VPS13B: variants seen among roughly 807,000 people sequenced by gnomAD.
VPS13B encodes vacuolar protein sorting 13 homolog B.
Under a neutral mutation model 426.4 loss-of-function variants are expected in VPS13B, and 285 were observed. The observed-to-expected ratio is 0.67, with a 90% CI of 0.61 to 0.74. VPS13B has a LOEUF of 0.74. Ranked by LOEUF, VPS13B falls within the 30% of genes least tolerant of loss-of-function variation. The pLI is 0.00. For missense variants in VPS13B, 4,537 were observed against 4,782.6 expected (o/e 0.95, Z 1.51); for synonymous variants, 1,676 against 1,676.4 (o/e 1.00, Z 0.01).
At chr8:99,084,394 C>G (rs1845653900) in intron 3 of VPS13B, among the ~76,000 whole-genome samples, 1 of 152,064 alleles carries the variant, frequency 6.6e-6, no homozygotes, top group Non-Finnish European at 1.5e-5. Flanking sequence ...TTGATCTTTT[C>G]AAAACACCAG....
chr8:99,137,071 C>T (rs936086799), intron 12 of VPS13B, among the ~76,000 whole-genome samples: 1 of 151,910 alleles, frequency 6.6e-6, no homozygotes, highest in Admixed American at 6.6e-5. Flanking sequence ...CTTTTCTATT[C>T]TAAATACACT....
intron 43 of VPS13B, among the ~76,000 whole-genome samples, chr8:99,787,251 G>T (rs1382680372): frequency 1.3e-5 from 2 of 152,160 alleles, no homozygotes; most frequent in African/African-American, 4.8e-5. Context: ...ACAAGAGGTT[G>T]CTAACAACAG....
chr8:99,256,948 A>G (rs988813821), intron 17 of VPS13B, among the ~76,000 whole-genome samples: 32 of 152,158 alleles, frequency 2.1e-4, no homozygotes, highest in Admixed American at 1.6e-3. Flanking sequence ...TCATGAGAGA[A>G]GAGCCTGAAT....
At chr8:99,818,912 A>C (rs201668453) in intron 47 of VPS13B, 24 bp downstream of exon 47, 1 of 1,313,034 alleles carries the variant, frequency 7.6e-7, no homozygotes, top group Non-Finnish European at 9.9e-7. Context: ...CCTTCCATAC[A>C]TTTTACATTT....
At chr8:99,725,151 A>G (rs1833289283) in intron 39 of VPS13B, among the ~76,000 whole-genome samples, 1 of 152,202 alleles carries the variant, frequency 6.6e-6, no homozygotes, top group East Asian at 1.9e-4. Flanking sequence ...ACTTCATGGT[A>G]CTACTTTTAT....
At chr8:99,079,500 A>G (rs1271989463) in intron 3 of VPS13B, among the ~76,000 whole-genome samples, 2 of 152,152 alleles carry the variant, frequency 1.3e-5, no homozygotes, top group Non-Finnish European at 2.9e-5. Flanking sequence ...ATTTTACTCT[A>G]GTTTATAAAT....
At chr8:99,568,936 C>T (rs140417745) in intron 31 of VPS13B, among the ~76,000 whole-genome samples, 26,405 of 151,270 alleles carry the variant, frequency 0.17, 2,822 homozygotes, top group East Asian at 0.39. Flanking sequence ...CTCAGCCTCC[C>T]GAGTAGCTGG....
At chr8:99,155,442 A>G (rs1332116966) in intron 14 of VPS13B, among the ~76,000 whole-genome samples, 2 of 152,164 alleles carry the variant, frequency 1.3e-5, no homozygotes, top group Admixed American at 1.3e-4. Flanking sequence ...TGAAAGGGAC[A>G]TGGGACAGTC....
chr8:99,754,165 C>A (rs1810531042), intron 39 of VPS13B, among the ~76,000 whole-genome samples: 1 of 136,456 alleles, frequency 7.3e-6, no homozygotes, highest in Non-Finnish European at 1.5e-5. Flanking sequence ...TCAAAATCAA[C>A]TAAAAAGCAG....
rs541788716 is a variant in VPS13B, at chr8:99,085,577, A to G, written c.292-10735A>G. 3.9e-5 allele frequency among the ~76,000 whole-genome samples: 6 copies of G among 152,252 alleles called. No individual in the cohort carries two copies. In the East Asian group the frequency reaches 7.7e-4, roughly 20 times the overall value. ...TGTTTACAGTCTGGCATGTTTTTGC[A>G]GTGTGTAGTACTGGTTTTTCCTTTC... On this transcript the variant is annotated intron_variant, in intron 3 of 61. Coordinates refer to ENST00000357162, the MANE Select transcript of VPS13B (RefSeq NM_152564.5).
At chr8:99,170,573 T>C (rs1812273812) in intron 16 of VPS13B, among the ~76,000 whole-genome samples, 1 of 152,038 alleles carries the variant, frequency 6.6e-6, no homozygotes, top group East Asian at 1.9e-4. Context: ...CTGACAAAAG[T>C]ATACACATTA....
intron 3 of VPS13B, among the ~76,000 whole-genome samples, chr8:99,068,653 A>C (rs567115716): frequency 6.6e-6 from 1 of 152,332 alleles, no homozygotes; most frequent in Non-Finnish European, 1.5e-5. Context: ...AGGCCTCAGA[A>C]AACTTACAAT....
intron 40 of VPS13B, among the ~76,000 whole-genome samples, chr8:99,775,948 G>T (rs1052053638): frequency 2.6e-5 from 4 of 152,094 alleles, no homozygotes; most frequent in African/African-American, 7.2e-5. Context: ...GTGTTAAGAG[G>T]ATGGGCAAGT....
intron 17 of VPS13B, among the ~76,000 whole-genome samples, chr8:99,211,911 G>T (rs1815108520): frequency 6.7e-6 from 1 of 149,948 alleles, no homozygotes; most frequent in Non-Finnish European, 1.5e-5. Context: ...ATTTTTTTTT[G>T]AGACAGAGTC....
Position 99,125,045 on chromosome 8 carries a change from T to G in VPS13B, c.1206+3600T>G, listed in dbSNP as rs146710102. On this transcript the variant is annotated intron_variant, in intron 8 of 61. Transcript: ENST00000357162. ...AGAGGGACAGAACTAATAGGCTATA[T>G]GTATGTATGAAAGGGAGTTTATTAA... is the stretch of plus-strand genomic sequence containing the variant. Among the ~76,000 whole-genome samples, 924 of 152,194 alleles carry G rather than the reference T, an allele frequency of 6.1e-3. 12 individuals are homozygous for G. The highest frequency in any genetic ancestry group is 0.021 in the African/African-American group (879 of 41,524).
At chr8:99,053,888 G>C (rs985106611) in intron 3 of VPS13B, among the ~76,000 whole-genome samples, 7 of 152,068 alleles carry the variant, frequency 4.6e-5, no homozygotes, top group Admixed American at 4.6e-4. Context: ...TTTTTTAGTA[G>C]AGACTGGGTT....
chr8:99,691,921 CAACAAAGATCAAAAGA>C (rs1461535622), intron 35 of VPS13B, among the ~76,000 whole-genome samples: 2 of 150,690 alleles, frequency 1.3e-5, no homozygotes, highest in Non-Finnish European at 3.0e-5. Flanking sequence ...GACTTTAAAC[CAACAAAGATCAAAAGA>C]GACAAAGAAG....
At chr8:99,613,075 C>CGTATA (rs1022897112) in intron 33 of VPS13B, among the ~76,000 whole-genome samples, 1 of 152,058 alleles carries the variant, frequency 6.6e-6, no homozygotes, top group African/African-American at 2.4e-5. Flanking sequence ...ACCCTTTATA[C>CGTATA]TTGTTTATAA....
At chr8:99,249,253 C>A (rs1193236578) in intron 17 of VPS13B, among the ~76,000 whole-genome samples, 1 of 152,100 alleles carries the variant, frequency 6.6e-6, no homozygotes, top group Admixed American at 6.5e-5. Context: ...GGATGTACCA[C>A]AGTTTGTTAA....
Sources: gnomAD v4.1 joint callset for allele counts (sites outside exome capture counted in the v4.1 genomes callset) on GRCh38, gnomAD v4.1.1 for gene constraint, MANE v1.5 for transcripts, NCBI Gene and HGNC (gene_info 2026-07-23, HGNC 2026-07-21) for gene names.